The following KIRREL3 variants were observed in gnomAD, a reference collection of about 807,000 sequenced individuals.
The protein encoded by KIRREL3 is kin of IRRE-like protein 3.
Under a neutral mutation model 89.7 loss-of-function variants are expected in KIRREL3, and 36 were observed. That is an observed-to-expected ratio of 0.40 (90% CI 0.31 to 0.53). The LOEUF is 0.53. Among genes scored for constraint, KIRREL3 ranks in the 20% least tolerant of loss-of-function variants. KIRREL3 has a pLI of 0.49. For missense variants in KIRREL3, 864 were observed against 1,056.6 expected (o/e 0.82, Z 2.53); for synonymous variants, 445 against 441.4 (o/e 1.01, Z -0.10).
At chr11:126,603,897 C>G (rs1942773005) in intron 1 of KIRREL3, among the ~76,000 whole-genome samples, 1 of 152,198 alleles carries the variant, frequency 6.6e-6, no homozygotes, top group African/African-American at 2.4e-5. Context: ...ATAGCCCCCC[C>G]TCCTCCCACT....
chr11:126,493,577 C>T (rs1181085996), intron 4 of KIRREL3, among the ~76,000 whole-genome samples: 2 of 149,552 alleles, frequency 1.3e-5, no homozygotes, highest in Non-Finnish European at 2.9e-5. Flanking sequence ...ATGGCGTGAA[C>T]CCAGGAGGCG....
chr11:127,003,081 A>C (rs537756194), upstream of KIRREL3: 5 of 141,056 alleles, frequency 3.5e-5, no homozygotes, highest in African/African-American at 8.0e-5. Context: ...ACTCCCCTCT[A>C]CTCCCTCCCT....
intron 1 of KIRREL3, among the ~76,000 whole-genome samples, chr11:126,845,654 G>A (rs1944113506): frequency 6.6e-6 from 1 of 152,084 alleles, no homozygotes; most frequent in South Asian, 2.1e-4. Context: ...TGGGTTCATG[G>A]CTCAATTCCC....
At chr11:126,538,748 G>A (rs1364355676) in intron 2 of KIRREL3, among the ~76,000 whole-genome samples, 3 of 152,192 alleles carry the variant, frequency 2.0e-5, no homozygotes, top group African/African-American at 7.2e-5. Flanking sequence ...ATGAGCAGGA[G>A]CCACCTCAGC....
At chr11:126,667,656 G>C (rs978699374) in intron 1 of KIRREL3, among the ~76,000 whole-genome samples, 1 of 152,124 alleles carries the variant, frequency 6.6e-6, no homozygotes, top group African/African-American at 2.4e-5. Context: ...ACTCATGTCG[G>C]CTTAGTTGAA....
At position 126,837,843 on chromosome 11, in the gene KIRREL3, AT is replaced by A. The variant is rs529477851; in HGVS notation, c.55+162611del. On this transcript the variant is annotated intron_variant, in intron 1 of 16. Transcript: ENST00000525144. This position sits in a 1 kb window ranked among gnomAD's most constrained non-coding sequence, Gnocchi z 4.7. ...ATCCATTTCTAGCAGCTCGCAGTCT[AT>A]GTCCAGGCATACATCCTATCTCTCT... 6.2e-4 allele frequency among the ~76,000 whole-genome samples: 94 copies of A among 152,314 alleles called. No homozygotes were observed. Among genetic ancestry groups the A allele is most frequent in the Admixed American group, 2.2e-3 (33 of 15,304 alleles).
chr11:126,923,918 T>C (rs1243485826), intron 1 of KIRREL3, among the ~76,000 whole-genome samples: 10 of 152,210 alleles, frequency 6.6e-5, no homozygotes, highest in African/African-American at 2.4e-4. Context: ...GTGAAATTCA[T>C]TGGCTTTCCC....
At chr11:126,930,368 C>T (rs1292562347) in intron 1 of KIRREL3, among the ~76,000 whole-genome samples, 1 of 152,116 alleles carries the variant, frequency 6.6e-6, no homozygotes, top group Non-Finnish European at 1.5e-5. Context: ...TTGGAGCTCA[C>T]CCTTGCCTGT....
Position 126,562,269 on chromosome 11 carries a change from AC to A in KIRREL3, c.133+565del, listed in dbSNP as rs780582897. Among the ~76,000 whole-genome samples the A allele has an allele frequency of 2.0e-5, 3 of 152,082 alleles. No individual in the cohort carries two copies. The highest frequency in any genetic ancestry group is 2.9e-5 in the Non-Finnish European group (2 of 68,034). ...CAACACGTTTCTCAAGCCTTCAGTG[AC>A]CCAATGAAGCCAGTGCAAGAGGAAG... On this transcript the variant is annotated intron_variant, in intron 2 of 16. Coordinates refer to ENST00000525144, the MANE Select transcript of KIRREL3 (RefSeq NM_032531.4). The surrounding 1 kb of genome is among the most constrained non-coding windows in gnomAD (Gnocchi z 4.7).
At position 126,970,634 on chromosome 11, in the gene KIRREL3, G is replaced by A. The variant is rs942887710; in HGVS notation, c.55+29821C>T. On this transcript the variant is annotated intron_variant, in intron 1 of 16. Transcript: ENST00000525144. This position sits in a 1 kb window ranked among gnomAD's most constrained non-coding sequence, Gnocchi z 4.4. ...TTTTACTTTTGTGTACTCAGTTACCGAATTGCTAATGAATTTACTAATGTT... is the reference window on the plus strand; with the variant it reads ...TTTTACTTTTGTGTACTCAGTTACCAAATTGCTAATGAATTTACTAATGTT... Among the ~76,000 whole-genome samples the A allele has an allele frequency of 1.7e-4, 26 of 152,130 alleles. No individual in the cohort carries two copies. Among genetic ancestry groups the A allele is most frequent in the African/African-American group, 5.8e-4 (24 of 41,414 alleles).
chr11:126,668,178 A>T lies in KIRREL3; in HGVS notation c.56-105266T>A, dbSNP rs941196182. 2.0e-5 allele frequency among the ~76,000 whole-genome samples: 3 copies of T among 152,178 alleles called. No homozygotes were observed. Among genetic ancestry groups the T allele is most frequent in the Admixed American group, 6.5e-5 (1 of 15,278 alleles). ...AGGCTGAAAGATCAAGATCAAGGTG[A>T]TGGCAGATTTGGTGACTGGTGAGGG... On this transcript the variant is annotated intron_variant, in intron 1 of 16. Transcript: ENST00000525144. This position sits in a 1 kb window ranked among gnomAD's most constrained non-coding sequence, Gnocchi z 4.4.
intron 1 of KIRREL3, among the ~76,000 whole-genome samples, chr11:126,962,733 A>G (rs560847594): frequency 1.1e-4 from 17 of 152,306 alleles, no homozygotes; most frequent in Admixed American, 7.2e-4. Flanking sequence ...GAAATCTTTC[A>G]TGAAAGGAAC....
chr11:126,870,877 G>A lies in KIRREL3; in HGVS notation c.55+129578C>T, dbSNP rs1215410840. On this transcript the variant is annotated intron_variant, in intron 1 of 16. Coordinates refer to ENST00000525144, the MANE Select transcript of KIRREL3 (RefSeq NM_032531.4). The surrounding 1 kb of genome is among the most constrained non-coding windows in gnomAD (Gnocchi z 4.4). ...TGTACATGTGGCAAGACCTGGAAGT[G>A]GGTTCCCTGCACAGAAATTTTCTGC... is the stretch of plus-strand genomic sequence containing the variant. Among the ~76,000 whole-genome samples, 5 of 151,982 alleles carry A rather than the reference G, an allele frequency of 3.3e-5. No homozygotes were observed.
chr11:126,827,786 TC>T (rs1347370467), intron 1 of KIRREL3, among the ~76,000 whole-genome samples: 1 of 152,160 alleles, frequency 6.6e-6, no homozygotes, highest in Non-Finnish European at 1.5e-5. Context: ...GGGAAGGAGA[TC>T]TTCAAATGAC....
chr11:126,633,032 C>A (rs1027689441), intron 1 of KIRREL3, among the ~76,000 whole-genome samples: 1 of 152,010 alleles, frequency 6.6e-6, no homozygotes, highest in African/African-American at 2.4e-5. Flanking sequence ...GCAGAGGTTG[C>A]TCTATCACCA....
rs1051826605 is a variant in KIRREL3, at chr11:126,925,110, G to C, written c.55+75345C>G. 2.4e-3 allele frequency among the ~76,000 whole-genome samples: 332 copies of C among 137,276 alleles called. 8 individuals are homozygous for C. The highest frequency in any genetic ancestry group is 8.8e-4 in the Non-Finnish European group (56 of 63,380). 90.1% of individuals were successfully genotyped at this position (137,276 alleles called of 152,430 possible). On this transcript the variant is annotated intron_variant, in intron 1 of 16. Coordinates refer to ENST00000525144, the MANE Select transcript of KIRREL3 (RefSeq NM_032531.4). ...CCATAAAAAGGTCGGGGGGGGGGGG[G>C]GGCTGTTGGTCACAGGATTGTGCAA...
intron 1 of KIRREL3, among the ~76,000 whole-genome samples, chr11:126,829,152 T>C (rs1284460103): frequency 1.3e-5 from 2 of 152,098 alleles, no homozygotes; most frequent in African/African-American, 4.8e-5. Flanking sequence ...GGCTCCAAGG[T>C]GGGAAGGAGC....
intron 1 of KIRREL3, among the ~76,000 whole-genome samples, chr11:126,621,897 C>T (rs1043843204): frequency 1.3e-5 from 2 of 152,112 alleles, no homozygotes; most frequent in Non-Finnish European, 2.9e-5. Context: ...GTTTCTCAAA[C>T]CTTCTGAAGG....
intron 1 of KIRREL3, among the ~76,000 whole-genome samples, chr11:126,786,077 C>T (rs1950479866): frequency 6.6e-6 from 1 of 151,892 alleles, no homozygotes; most frequent in African/African-American, 2.4e-5. Flanking sequence ...ATAGCAAAAA[C>T]AGCCTAAACA....
Sources: gnomAD v4.1 joint callset for allele counts (sites outside exome capture counted in the v4.1 genomes callset) on GRCh38, gnomAD v4.1.1 for gene constraint, Gnocchi (gnomAD v3.1) non-coding constraint, MANE v1.5 for transcripts, NCBI Gene and HGNC (gene_info 2026-07-23, HGNC 2026-07-21) for gene names.